PWWP2A: variants seen among roughly 807,000 people sequenced by gnomAD.
The protein encoded by PWWP2A is PWWP domain-containing protein 2A.
A neutral mutation model predicts 48.5 loss-of-function variants in PWWP2A; 18 were observed. That is an observed-to-expected ratio of 0.37 (90% CI 0.26 to 0.55). The LOEUF is 0.55. Among genes scored for constraint, PWWP2A ranks in the 20% least tolerant of loss-of-function variants. PWWP2A has a pLI of 0.81. For synonymous variants in PWWP2A, 396 were observed against 387.7 expected, an observed-to-expected ratio of 1.02 and a Z score of -0.25; for missense variants, 867 against 976.4, an observed-to-expected ratio of 0.89 and a Z score of 1.49.
intron 2 of PWWP2A, among the ~76,000 whole-genome samples, chr5:160,085,147 G>C (rs970693190): frequency 3.3e-5 from 5 of 151,836 alleles, no homozygotes; most frequent in African/African-American, 1.2e-4. Context: ...TCCTGCCTCA[G>C]CCTCCCGAGT....
rs1407629596 is a variant in PWWP2A, at chr5:160,092,602, T to A, written c.2048A>T (p.Asn683Ile). 1 of 1,551,638 alleles carries A rather than the reference T, an allele frequency of 6.4e-7. No homozygotes were observed. Among genetic ancestry groups the A allele is most frequent in the South Asian group, 1.2e-5 (1 of 84,064 alleles). The change falls in exon 2 of 2, where the codon AAC (asparagine) becomes ATC (isoleucine). Residue 683 changes from asparagine to isoleucine, a missense_variant. Coordinates refer to ENST00000307063, the MANE Select transcript of PWWP2A (RefSeq NM_001130864.2). ...ILTITVSRKD[N>I]GLLVRQEARI... The stretch of plus-strand genomic sequence containing the variant: ...GGCCTCCTGTCGGACTAAAAGGCCG[T>A]TATCTTTCCGGCTCACAGTTATAGT...
chr5:160,071,711 A>C (rs964280827), downstream of PWWP2A, among the ~76,000 whole-genome samples: 22 of 152,246 alleles, frequency 1.4e-4, no homozygotes, highest in African/African-American at 5.3e-4. Context: ...CTTAAGAGGA[A>C]AGGCTGGAGC....
At chr5:160,079,762 TAA>T (rs150111885) in intron 3 of PWWP2A, among the ~76,000 whole-genome samples, 4 of 151,964 alleles carry the variant, frequency 2.6e-5, no homozygotes, top group Non-Finnish European at 5.9e-5. Context: ...TGCAGAAAAA[TAA>T]AAAACACTAT....
At chr5:160,080,377 C>G (rs1355366206) in intron 3 of PWWP2A, among the ~76,000 whole-genome samples, 2 of 152,170 alleles carry the variant, frequency 1.3e-5, no homozygotes, top group Non-Finnish European at 2.9e-5. Context: ...CAAGGTCACA[C>G]CCAACTTCTA....
downstream of PWWP2A, chr5:160,089,509 G>GCC: frequency 7.9e-7 from 1 of 1,272,012 alleles, no homozygotes; most frequent in Non-Finnish European, 1.0e-6. Context: ...ACCGCACCTG[G>GCC]CCTCTCACAG....
chr5:160,074,314 T>C (rs1336884972), downstream of PWWP2A, among the ~76,000 whole-genome samples: 2 of 151,424 alleles, frequency 1.3e-5, no homozygotes, highest in Non-Finnish European at 2.9e-5. Flanking sequence ...GGCACATGCC[T>C]GTAATCCCAG....
At position 160,092,360 on chromosome 5, in the gene PWWP2A, T is replaced by C; in HGVS notation, c.*22A>G. 1 of 1,510,934 alleles carries C rather than the reference T, an allele frequency of 6.6e-7. No individual in the cohort carries two copies. The highest frequency in any genetic ancestry group is 8.9e-7 in the Non-Finnish European group (1 of 1,129,624). The allele number at this position is 1,510,934 out of a possible 1,614,324, so 93.6% of individuals were successfully genotyped here. ...AAATCTGTGGTGACTTCCAATGGTC[T>C]TGCCTACCTTACTGCCCATGTTCAC... On this transcript the variant is annotated 3_prime_UTR_variant, in exon 2 of 2. Transcript: ENST00000307063.
the PWWP2A span, among the ~76,000 whole-genome samples, chr5:160,047,906 A>G: frequency 6.6e-6 from 1 of 152,092 alleles, no homozygotes; most frequent in Non-Finnish European, 1.5e-5. Context: ...TTATAGTACT[A>G]TGGCTATTGA....
intron 2 of PWWP2A, among the ~76,000 whole-genome samples, chr5:160,084,495 G>A (rs1300983100): frequency 1.3e-5 from 2 of 152,140 alleles, no homozygotes; most frequent in Admixed American, 6.5e-5. Flanking sequence ...GTGGCAGGAT[G>A]ATGGCTAACA....
At chr5:160,115,166 A>G (rs1757994344) in intron 1 of PWWP2A, among the ~76,000 whole-genome samples, 1 of 140,134 alleles carries the variant, frequency 7.1e-6, no homozygotes, top group South Asian at 2.3e-4. Context: ...AAAAAAAAAA[A>G]AGAGCACAAA....
At chr5:160,085,635 T>C (rs1165823084) in intron 2 of PWWP2A, among the ~76,000 whole-genome samples, 1 of 147,768 alleles carries the variant, frequency 6.8e-6, no homozygotes, top group Non-Finnish European at 1.5e-5. Flanking sequence ...GCCTACTGAG[T>C]AGCTGGGATT....
intron 1 of PWWP2A, among the ~76,000 whole-genome samples, chr5:160,112,191 A>G (rs1757662483): frequency 6.6e-6 from 1 of 151,956 alleles, no homozygotes; most frequent in Non-Finnish European, 1.5e-5. Context: ...AAAGAGCACA[A>G]AGTAAGCTAG....
the PWWP2A span, among the ~76,000 whole-genome samples, chr5:160,045,520 ACT>A: frequency 0.093 from 5,080 of 54,582 alleles, 252 homozygotes; most frequent in Non-Finnish European, 0.11. Context: ...ACACATACAC[ACT>A]CTCTCTCTCT....
At chr5:160,055,494 A>G in the PWWP2A span, among the ~76,000 whole-genome samples, 93 of 152,352 alleles carry the variant, frequency 6.1e-4, 1 homozygote, top group East Asian at 5.0e-3. Flanking sequence ...TTGCAAAGCA[A>G]GTTAACCTTT....
intron 1 of PWWP2A, among the ~76,000 whole-genome samples, chr5:160,107,107 A>T (rs572242950): frequency 6.6e-6 from 1 of 152,314 alleles, no homozygotes. Flanking sequence ...ATTTATAGGC[A>T]TGAGCCACCG....
chr5:160,070,676 G>A (rs774457312), intron 2 of PWWP2A, among the ~76,000 whole-genome samples: 16 of 152,246 alleles, frequency 1.1e-4, no homozygotes, highest in Admixed American at 5.2e-4. Context: ...GGAGGCTGGG[G>A]AGTCACTAAG....
chr5:160,085,049 G>C (rs770005143), intron 2 of PWWP2A, among the ~76,000 whole-genome samples: 1 of 152,072 alleles, frequency 6.6e-6, no homozygotes, highest in Non-Finnish European at 1.5e-5. Context: ...TTTATTTAGA[G>C]ATGGAGTTTC....
At chr5:160,080,666 T>A in exon 3 of PWWP2A, 1 of 1,556,816 alleles carries the variant, frequency 6.4e-7, no homozygotes, top group Non-Finnish European at 8.7e-7. Context: ...CGTTTCACTG[T>A]TAACTTCAAT....
In PWWP2A at chr5:160,092,949, A is replaced by G. The variant is rs58423476; in HGVS notation, c.1701T>C (p.Tyr567=). 2.4e-3 allele frequency: 3,775 copies of G among 1,551,996 alleles called. 82 individuals are homozygous for G. The African/African-American group carries it at 0.045, about 19-fold the overall frequency. The part of the protein sequence containing the change: ...KKGSKNNISV[Y]MTLNQKKSDS... ...CAGATTTCTTTTGATTTAGGGTCAT[A>G]TAAACAGAGATATTGTTTTTGCTGC... Residue 567 remains tyrosine, a synonymous_variant, in exon 2 of 2, where the codon TAT becomes TAC. Coordinates refer to ENST00000307063, the MANE Select transcript of PWWP2A (RefSeq NM_001130864.2).
Sources: allele counts gnomAD v4.1 joint callset (sites outside exome capture counted in the v4.1 genomes callset), GRCh38; gene constraint gnomAD v4.1.1; transcripts MANE v1.5; gene names NCBI Gene and HGNC (gene_info 2026-07-23, HGNC 2026-07-21).